The following EXPH5 variants were observed in gnomAD, a reference collection of about 807,000 sequenced individuals.
EXPH5 encodes the protein exophilin 5.
Under a neutral mutation model 41.1 loss-of-function variants are expected in EXPH5, and 42 were observed. The observed-to-expected ratio is 1.02, with a 90% CI of 0.80 to 1.32. The LOEUF is 1.32. Among genes scored for constraint, EXPH5 ranks in the 40% most tolerant of loss-of-function variants. EXPH5 has a pLI of 0.00. For synonymous variants in EXPH5, 798 were observed against 833.5 expected (o/e 0.96, Z 0.73); for missense variants, 2,298 against 2,314.5 (o/e 0.99, Z 0.15).
intron 1 of EXPH5, among the ~76,000 whole-genome samples, chr11:108,564,998 C>T (rs2094028608): frequency 6.6e-6 from 1 of 151,118 alleles, no homozygotes; most frequent in Non-Finnish European, 1.5e-5. Context: ...CTCCGCCTCC[C>T]GGGTTGAAGC....
upstream of EXPH5, among the ~76,000 whole-genome samples, chr11:108,595,617 T>C (rs1195747672): frequency 6.6e-6 from 1 of 152,034 alleles, no homozygotes; most frequent in Admixed American, 6.6e-5. Flanking sequence ...GGGTAAAATC[T>C]TCCTCTTTTT....
In EXPH5 at chr11:108,514,548, G is replaced by A. The variant is rs537870251; in HGVS notation, c.959C>T (p.Ser320Leu). ...YVQKNTFGSTSLCFDSRQRSA... is the reference protein window; with the variant it reads ...YVQKNTFGSTLLCFDSRQRSA... ...CCGTTGCCTGCTGTCAAAACACAGC[G>A]AAGTACTGCCAAAAGTATTCTTTTG... Residue 320 changes from serine (S) to leucine (L), a missense_variant, in exon 6 of 6, where the codon TCG (serine) becomes TTG (leucine). Transcript: ENST00000265843. The A allele has an allele frequency of 1.7e-5, 28 of 1,613,916 alleles. No homozygotes were observed. Among genetic ancestry groups the A allele is most frequent in the African/African-American group, 2.7e-5 (2 of 75,052 alleles).
rs1407843467 is a variant in EXPH5 at position 108,507,248 on chromosome 11, G to A, written c.*2289C>T. ...ATGTTCATTAGCTTTGAGTTGCATGGGAACCATGTAAAGTAACCCACGCAT... is the reference window on the plus strand; with the variant it reads ...ATGTTCATTAGCTTTGAGTTGCATGAGAACCATGTAAAGTAACCCACGCAT... On this transcript the variant is annotated 3_prime_UTR_variant, in exon 6 of 6. Coordinates refer to ENST00000265843, the MANE Select transcript of EXPH5 (RefSeq NM_015065.3). 4 of 152,074 alleles carry A rather than the reference G, an allele frequency of 2.6e-5. No individual in the cohort carries two copies. The highest frequency in any genetic ancestry group is 9.7e-5 in the African/African-American group (4 of 41,402). 9.4% of individuals were successfully genotyped at this position (152,074 alleles called of 1,614,324 possible). A position where few individuals can be genotyped will look rare whatever the true frequency, so the allele number is the denominator to read the frequency against.
chr11:108,565,952 T>C (rs2094032820), intron 1 of EXPH5, among the ~76,000 whole-genome samples: 2 of 152,100 alleles, frequency 1.3e-5, no homozygotes, highest in African/African-American at 4.8e-5. Flanking sequence ...AGCTAAAGGG[T>C]TGAAAAACGC....
chr11:108,552,285 T>G (rs1367422243), intron 1 of EXPH5: 1 of 152,190 alleles, frequency 6.6e-6, no homozygotes, highest in Non-Finnish European at 1.5e-5. Flanking sequence ...CATCAGAGCC[T>G]GCTCTTTGGT....
intron 1 of EXPH5, among the ~76,000 whole-genome samples, chr11:108,550,863 A>G (rs1386948120): frequency 6.6e-6 from 1 of 152,174 alleles, no homozygotes; most frequent in Non-Finnish European, 1.5e-5. Flanking sequence ...ACATGGATAC[A>G]GATGAGGTTA....
Position 108,510,375 on chromosome 11 carries a change from G to C in EXPH5, c.5132C>G (p.Ser1711Ter). The change falls in exon 6 of 6, where the codon TCA (serine) becomes TGA (stop). Residue 1711 changes from serine (S) to a stop codon, truncating the protein, a stop_gained. Coordinates refer to ENST00000265843, the MANE Select transcript of EXPH5 (RefSeq NM_015065.3). LOFTEE classifies it low-confidence loss of function (END_TRUNC). The part of the protein sequence containing the change: ...NEFKNVSESP[S>*]KHENSKDVTA... Reference sequence around the variant, plus strand: ...GACGTCTTTAGAATTCTCATGCTTTGATGGTGATTCTGAGACGTTTTTAAA... The same window carrying C: ...GACGTCTTTAGAATTCTCATGCTTTCATGGTGATTCTGAGACGTTTTTAAA... 6.2e-7 allele frequency: 1 copy of C among 1,614,092 alleles called. No homozygotes were observed. Among genetic ancestry groups the C allele is most frequent in the Non-Finnish European group, 8.5e-7 (1 of 1,180,024 alleles).
chr11:108,581,835 A>T (rs2094099218), intron 1 of EXPH5, among the ~76,000 whole-genome samples: 1 of 152,146 alleles, frequency 6.6e-6, no homozygotes, highest in African/African-American at 2.4e-5. Flanking sequence ...CATAATATTC[A>T]GACATTAAAA....
rs1306257707 is a variant in EXPH5, at chr11:108,507,140, G to A, written c.*2397C>T. 1 of 152,140 alleles carries A rather than the reference G, an allele frequency of 6.6e-6. No homozygotes were observed. Among genetic ancestry groups the A allele is most frequent in the Admixed American group, 6.6e-5 (1 of 15,262 alleles). 9.4% of individuals were successfully genotyped at this position (152,140 alleles called of 1,614,324 possible). On this transcript the variant is annotated 3_prime_UTR_variant, in exon 6 of 6. Transcript: ENST00000265843. ...AAAGTTCACAATATTTGATTTTTGA[G>A]CTTTCTGAGCTCAGGATTGGTCAGA...
intron 1 of EXPH5, among the ~76,000 whole-genome samples, chr11:108,568,838 T>C (rs913955200): frequency 4.6e-5 from 7 of 152,138 alleles, no homozygotes; most frequent in Admixed American, 3.3e-4. Flanking sequence ...TCACTTGCCT[T>C]CTCTTCCTCC....
At chr11:108,528,355 G>C (rs970419545) in intron 3 of EXPH5, among the ~76,000 whole-genome samples, 171 bp from the exon 4 acceptor site, 1 of 152,152 alleles carries the variant, frequency 6.6e-6, no homozygotes, top group African/African-American at 2.4e-5. Flanking sequence ...ATTAGAAACT[G>C]TTTCCTATGA....
intron 3 of EXPH5, among the ~76,000 whole-genome samples, chr11:108,537,256 G>A (rs1000387174): frequency 3.3e-5 from 5 of 152,006 alleles, no homozygotes; most frequent in Admixed American, 6.6e-5. Context: ...AAATAAAAAC[G>A]ACATGCTTTT....
intron 1 of EXPH5, among the ~76,000 whole-genome samples, chr11:108,586,804 G>T (rs2094114788): frequency 6.6e-6 from 1 of 151,718 alleles, no homozygotes; most frequent in Non-Finnish European, 1.5e-5. Flanking sequence ...CATCTAGAAA[G>T]CCTAACACAC....
chr11:108,539,004 A>T lies in EXPH5; in HGVS notation c.443+20T>A. 1 of 1,553,390 alleles carries T rather than the reference A, an allele frequency of 6.4e-7. No individual in the cohort carries two copies. The highest frequency in any genetic ancestry group is 2.3e-5 in the East Asian group (1 of 43,938). On this transcript the variant is annotated intron_variant, in intron 3 of 5. Coordinates refer to ENST00000265843, the MANE Select transcript of EXPH5 (RefSeq NM_015065.3). The stretch of plus-strand genomic sequence containing the variant: ...TATCGGATAACAAATGGGCCGTAAC[A>T]TGACCTGAGTTTAACTCACCCTTTC...
Position 108,510,001 on chromosome 11 carries a change from C to T in EXPH5, c.5506G>A (p.Gly1836Arg), listed in dbSNP as rs2093666464. The change falls in exon 6 of 6, where the codon GGG becomes AGG. Residue 1836 changes from glycine (G) to arginine (R), a missense_variant. Physicochemically the swap from Gly to Arg is moderately radical, Grantham distance 125. Coordinates refer to ENST00000265843, the MANE Select transcript of EXPH5 (RefSeq NM_015065.3). The part of the protein sequence containing the change: ...IDNALSRLTL[G>R]NEFSVNNGYS... ...CCATTGTTGACAGAGAATTCATTCC[C>T]AAGGGTCAGTCGACTCAGGGCATTG... The T allele has an allele frequency of 6.2e-7, 1 of 1,613,816 alleles. No individual in the cohort carries two copies.
At chr11:108,556,506 T>C (rs1383795777) in intron 1 of EXPH5, among the ~76,000 whole-genome samples, 1 of 152,172 alleles carries the variant, frequency 6.6e-6, no homozygotes, top group East Asian at 1.9e-4. Flanking sequence ...GGAGTCTTGC[T>C]CTGTCACCTA....
chr11:108,532,366 A>ATATATATATATATATATATAT (rs1555192606), intron 3 of EXPH5, among the ~76,000 whole-genome samples: 1 of 32,144 alleles, frequency 3.1e-5, no homozygotes, highest in African/African-American at 2.0e-4. Context: ...ATATATATAT[A>ATATATATATATATATATATAT]TTTTTTTTTT....
Position 108,509,841 on chromosome 11 carries a change from A to G in EXPH5, c.5666T>C (p.Phe1889Ser). 1 of 1,613,670 alleles carries G rather than the reference A, an allele frequency of 6.2e-7. No individual in the cohort carries two copies. The highest frequency in any genetic ancestry group is 1.1e-5 in the South Asian group (1 of 90,924). ...SIYRPIDYGI[F>S]GKEQQLAFLE... ...GAAAGCTAACTGTTGTTCTTTCCCAAAGATCCCATAGTCGATAGGTCTGTA... is the reference window on the plus strand; with the variant it reads ...GAAAGCTAACTGTTGTTCTTTCCCAGAGATCCCATAGTCGATAGGTCTGTA... The change falls in exon 6 of 6, where the codon TTT becomes TCT. Residue 1889 changes from phenylalanine to serine, a missense_variant. By Grantham distance (155) the Phe-to-Ser change is radical. Coordinates refer to ENST00000265843, the MANE Select transcript of EXPH5 (RefSeq NM_015065.3).
At chr11:108,520,861 G>A (rs551896675) in intron 4 of EXPH5, among the ~76,000 whole-genome samples, 4 of 152,184 alleles carry the variant, frequency 2.6e-5, no homozygotes, top group Non-Finnish European at 4.4e-5. Flanking sequence ...GAGCCACCTC[G>A]CCCAGCTATT....
Sources: gnomAD v4.1 joint callset for allele counts (sites outside exome capture counted in the v4.1 genomes callset) on GRCh38, gnomAD v4.1.1 for gene constraint, MANE v1.5 for transcripts, NCBI Gene and HGNC (gene_info 2026-07-23, HGNC 2026-07-21) for gene names.